Variants in MLXIPL observed in about 807,000 individuals in gnomAD.
The protein encoded by MLXIPL is carbohydrate-responsive element-binding protein.
In MLXIPL, 49 loss-of-function variants were observed where a neutral mutation model predicts 81.5. The observed-to-expected ratio is 0.60, with a 90% CI of 0.48 to 0.76. The LOEUF is 0.76. Among genes scored for constraint, MLXIPL ranks in the 30% least tolerant of loss-of-function variants. The pLI, the probability that MLXIPL is intolerant of heterozygous loss-of-function variation, is 0.00. For missense variants in MLXIPL, 1,053 were observed against 1,167.0 expected, an observed-to-expected ratio of 0.90 and a Z score of 1.42; for synonymous variants, 466 against 485.5, an observed-to-expected ratio of 0.96 and a Z score of 0.53.
At chr7:73,612,574 G>A (rs1795758472) in intron 2 of MLXIPL, among the ~76,000 whole-genome samples, 1 of 151,616 alleles carries the variant, frequency 6.6e-6, no homozygotes, top group Admixed American at 6.6e-5. Flanking sequence ...CCCCGGAGGA[G>A]GAGGCTGCAG....
chr7:73,608,957 C>T (rs937218914), intron 2 of MLXIPL, among the ~76,000 whole-genome samples: 1 of 151,856 alleles, frequency 6.6e-6, no homozygotes, highest in Non-Finnish European at 1.5e-5. Flanking sequence ...CTCTGGTGTA[C>T]GCCACCATGT....
chr7:73,606,001 C>A lies in MLXIPL; in HGVS notation c.729G>T (p.Leu243=). The A allele has an allele frequency of 6.3e-7, 1 of 1,587,704 alleles. No individual in the cohort carries two copies. ...PEEEPGGRQL[L]DLNCFLSDIS... ...TGTCGGACAAAAAGCAATTGAGGTC[C>A]AGGAGCTGCCGCCCACCCGGCTCCT... is the stretch of plus-strand genomic sequence containing the variant. The change falls in exon 6 of 17, where the codon CTG becomes CTT. Residue 243 remains leucine (L), a synonymous_variant. Coordinates refer to ENST00000313375, the MANE Select transcript of MLXIPL (RefSeq NM_032951.3).
At chr7:73,624,591 A>T (rs1047010180), upstream of MLXIPL, 2 of 1,401,124 alleles carry the variant, frequency 1.4e-6, no homozygotes, top group Non-Finnish European at 1.8e-6. Context: ...CCCCCACACC[A>T]TAGGCCGATC....
At chr7:73,613,014 C>T (rs1169995173) in intron 2 of MLXIPL, among the ~76,000 whole-genome samples, 1 of 152,102 alleles carries the variant, frequency 6.6e-6, no homozygotes, top group Admixed American at 6.6e-5. Context: ...GACACCAAGA[C>T]GATTTCAGAG....
At chr7:73,634,805 T>TTTATTATTATTATTATTATTATTATTA in the MLXIPL span, among the ~76,000 whole-genome samples, 1,412 of 147,010 alleles carry the variant, frequency 9.6e-3, 11 homozygotes, top group African/African-American at 0.017. Context: ...TCTATATGTA[T>TTTATTATTATTATTATTATTATTATTA]TTATTATTAT....
At chr7:73,631,558 CTTTTTTTTTT>C in the MLXIPL span, among the ~76,000 whole-genome samples, 9 of 69,662 alleles carry the variant, frequency 1.3e-4, no homozygotes, top group Non-Finnish European at 8.7e-5. Flanking sequence ...GATGTTGCTA[CTTTTTTTTTT>C]TTTTTTTTTT....
intron 4 of MLXIPL, 127 bp downstream of exon 4, chr7:73,607,204 G>C: frequency 7.9e-7 from 1 of 1,264,416 alleles, no homozygotes; most frequent in Non-Finnish European, 1.1e-6. Flanking sequence ...GCCCGGGACT[G>C]AATGGAGGGC....
chr7:73,632,379 CAT>C, the MLXIPL span, among the ~76,000 whole-genome samples: 1 of 152,118 alleles, frequency 6.6e-6, no homozygotes, highest in Non-Finnish European at 1.5e-5. Flanking sequence ...ATACTTATGA[CAT>C]GTGCACCATT....
Position 73,596,509 on chromosome 7 carries a change from A to C in MLXIPL, c.1823-30T>G. ...GGTAGGGACAGACAGACCCACAGAA[A>C]GACCGACCCAGGGGAAAGGGTCCCC... On this transcript the variant is annotated intron_variant, in intron 11 of 16. Transcript: ENST00000313375. The surrounding 1 kb of genome is among the most constrained non-coding windows in gnomAD (Gnocchi z 4.7). 1 of 1,612,146 alleles carries C rather than the reference A, an allele frequency of 6.2e-7. No individual in the cohort carries two copies. Among genetic ancestry groups the C allele is most frequent in the South Asian group, 1.1e-5 (1 of 91,018 alleles).
intron 7 of MLXIPL, among the ~76,000 whole-genome samples, chr7:73,601,176 A>AGTGTGTGTGTGTGTGTGT (rs55639253): frequency 1.5e-3 from 213 of 137,718 alleles, no homozygotes; most frequent in African/African-American, 4.7e-3. Context: ...TGCAGGGTCA[A>AGTGTGTGTGTGTGTGTGT]GTGTGTGTGT....
At chr7:73,600,266 AG>A (rs1794678997) in intron 7 of MLXIPL, among the ~76,000 whole-genome samples, 1 of 119,782 alleles carries the variant, frequency 8.3e-6, no homozygotes, top group Non-Finnish European at 1.7e-5. Flanking sequence ...ATGGGGCGAG[AG>A]GGGCCTAAGG....
intron 1 of MLXIPL, among the ~76,000 whole-genome samples, chr7:73,619,593 C>T (rs1270106341): frequency 6.6e-6 from 1 of 151,814 alleles, no homozygotes; most frequent in Non-Finnish European, 1.5e-5. Flanking sequence ...CACACCACTG[C>T]ACTCCAGCCT....
chr7:73,647,309 T>C, the MLXIPL span, among the ~76,000 whole-genome samples: 2 of 152,176 alleles, frequency 1.3e-5, no homozygotes, highest in African/African-American at 4.8e-5. Context: ...GGGGCAGTTT[T>C]GGTCCTCCTC....
chr7:73,634,211 C>T, the MLXIPL span, among the ~76,000 whole-genome samples: 1 of 152,032 alleles, frequency 6.6e-6, no homozygotes, highest in South Asian at 2.1e-4. Flanking sequence ...GTTTTCATAT[C>T]AGAAGTACCC....
the MLXIPL span, among the ~76,000 whole-genome samples, chr7:73,636,409 CAA>C: frequency 1.8e-4 from 14 of 79,604 alleles, no homozygotes; most frequent in Admixed American, 1.4e-4. Flanking sequence ...GACTCTGTCT[CAA>C]AAAAAAAAAA....
At chr7:73,612,552 GA>G (rs1425133839) in intron 2 of MLXIPL, among the ~76,000 whole-genome samples, 6 of 151,462 alleles carry the variant, frequency 4.0e-5, no homozygotes, top group Non-Finnish European at 8.8e-5. Context: ...TGAGGCAGGA[GA>G]ATCGCTTGAA....
intron 1 of MLXIPL, among the ~76,000 whole-genome samples, chr7:73,617,988 C>T (rs1796100309): frequency 6.6e-6 from 1 of 152,200 alleles, no homozygotes; most frequent in African/African-American, 2.4e-5. Context: ...CTCTCCCTCC[C>T]TCTCTCGTCT....
chr7:73,621,337 C>T (rs1049599283), intron 1 of MLXIPL, among the ~76,000 whole-genome samples: 1 of 151,658 alleles, frequency 6.6e-6, no homozygotes, highest in South Asian at 2.1e-4. Context: ...ACGGCCTCCT[C>T]GATCCTCCCT....
At chr7:73,633,654 A>T in the MLXIPL span, among the ~76,000 whole-genome samples, 1 of 151,566 alleles carries the variant, frequency 6.6e-6, no homozygotes, top group East Asian at 2.0e-4. Flanking sequence ...GGATCTTGCT[A>T]TATTGCCTAA....
Sources: gnomAD v4.1 joint callset for allele counts (sites outside exome capture counted in the v4.1 genomes callset) on GRCh38, gnomAD v4.1.1 for gene constraint, Gnocchi (gnomAD v3.1) non-coding constraint, MANE v1.5 for transcripts, NCBI Gene and HGNC (gene_info 2026-07-23, HGNC 2026-07-21) for gene names.